The following PRKAB1 variants were observed in gnomAD, a reference collection of about 807,000 sequenced individuals.
The protein encoded by PRKAB1 is protein kinase AMP-activated non-catalytic subunit beta 1.
A neutral mutation model predicts 32.0 loss-of-function variants in PRKAB1; 18 were observed. The observed-to-expected ratio is 0.56, with a 90% CI of 0.39 to 0.83. PRKAB1 has a LOEUF of 0.83. Ranked by LOEUF, PRKAB1 falls within the 40% of genes least tolerant of loss-of-function variation. The pLI, the probability that PRKAB1 is intolerant of heterozygous loss-of-function variation, is 0.00. For missense variants in PRKAB1, 263 were observed against 352.6 expected (o/e 0.75, Z 2.03); for synonymous variants, 141 against 141.4 (o/e 1.00, Z 0.02).
At chr12:119,672,196 C>A in intron 1 of PRKAB1, 105 bp from the exon 2 acceptor site, 1 of 1,226,450 alleles carries the variant, frequency 8.2e-7, no homozygotes, top group Non-Finnish European at 1.1e-6. Context: ...CCGATCCTAA[C>A]CATGAACCAA....
At chr12:119,670,743 C>A (rs899629795) in intron 1 of PRKAB1, among the ~76,000 whole-genome samples, 2 of 152,180 alleles carry the variant, frequency 1.3e-5, no homozygotes, top group Non-Finnish European at 2.9e-5. Flanking sequence ...TCCCCAGATA[C>A]CAAAAAAGTC....
intron 1 of PRKAB1, 31 bp from the exon 2 acceptor site, chr12:119,672,270 T>C (rs773214588): frequency 2.6e-6 from 4 of 1,565,296 alleles, no homozygotes; most frequent in South Asian, 1.2e-5. Flanking sequence ...AGCTCGCTTA[T>C]GGCTTTCTGA....
In PRKAB1 at chr12:119,679,295, CAAT is replaced by C. The variant is rs1955447930; in HGVS notation, c.667-637_667-635del. The C allele has an allele frequency of 6.6e-6, 1 of 152,576 alleles. No individual in the cohort carries two copies. The highest frequency in any genetic ancestry group is 1.5e-5 in the Non-Finnish European group (1 of 68,334). The allele number at this position is 152,576 out of a possible 1,614,324, so 9.5% of individuals were successfully genotyped here. A position where few individuals can be genotyped will look rare whatever the true frequency, so the allele number is the denominator to read the frequency against. The stretch of plus-strand genomic sequence containing the variant: ...GGAGCTTGCTGAGTATTTGTTGACA[CAAT>C]GATTGGCCCAGCCTCTGGGATCCTA... On this transcript the variant is annotated intron_variant, in intron 5 of 6. Coordinates refer to ENST00000229328, the MANE Select transcript of PRKAB1 (RefSeq NM_006253.5). This position sits in a 1 kb window ranked among gnomAD's most constrained non-coding sequence, Gnocchi z 4.1.
chr12:119,680,110 T>C (rs1955453161), intron 6 of PRKAB1, 109 bp downstream of exon 6: 2 of 1,495,396 alleles, frequency 1.3e-6, no homozygotes, highest in African/African-American at 2.8e-5. Flanking sequence ...GCTTCCAGGG[T>C]CTGGCACAGG....
At chr12:119,672,164 C>A in intron 1 of PRKAB1, 137 bp from the exon 2 acceptor site, 1 of 844,592 alleles carries the variant, frequency 1.2e-6, no homozygotes, top group Non-Finnish European at 1.8e-6. Context: ...GGCAAGGAAA[C>A]TGAGGCACCA....
At position 119,674,662 on chromosome 12, in the gene PRKAB1, C is replaced by G. The variant is rs1286313024; in HGVS notation, c.532+208C>G. 2.6e-5 allele frequency among the ~76,000 whole-genome samples: 4 copies of G among 152,180 alleles called. No homozygotes were observed. The highest frequency in any genetic ancestry group is 4.4e-5 in the Non-Finnish European group (3 of 68,030). On this transcript the variant is annotated intron_variant, in intron 4 of 6. Coordinates refer to ENST00000229328, the MANE Select transcript of PRKAB1 (RefSeq NM_006253.5). This position sits in a 1 kb window ranked among gnomAD's most constrained non-coding sequence, Gnocchi z 4.3. ...CTACAAGTCATTTCCCTGGTCATCT[C>G]AGGTATTCAGTAGGTCTGCTTGGCC...
intron 1 of PRKAB1, among the ~76,000 whole-genome samples, chr12:119,670,990 C>T (rs1955384075): frequency 6.6e-6 from 1 of 152,182 alleles, no homozygotes. Context: ...TGGCTTCTGA[C>T]TGGGAAAAAA....
intron 1 of PRKAB1, chr12:119,671,389 C>T (rs1223159300): frequency 4.7e-5 from 14 of 297,750 alleles, no homozygotes; most frequent in Non-Finnish European, 6.9e-5. Flanking sequence ...TAGAAATACC[C>T]GAGACTGGGT....
At chr12:119,673,483 A>C (rs1427764971) in intron 2 of PRKAB1, among the ~76,000 whole-genome samples, 2 of 152,228 alleles carry the variant, frequency 1.3e-5, no homozygotes, top group African/African-American at 4.8e-5. Context: ...GCCAGGGGAC[A>C]AAACAACCCA....
chr12:119,672,468 A>C lies in PRKAB1; in HGVS notation c.323+4A>C. ...GTAAACTTCCCCTCACCAGAAGGTA[A>C]TTGCCTGGGGAGTGTTCACATATTT... is the stretch of plus-strand genomic sequence containing the variant. On this transcript the variant is annotated splice_donor_region_variant and intron_variant, in intron 2 of 6. Coordinates refer to ENST00000229328, the MANE Select transcript of PRKAB1 (RefSeq NM_006253.5). 1 of 1,578,240 alleles carries C rather than the reference A, an allele frequency of 6.3e-7. No homozygotes were observed. Among genetic ancestry groups the C allele is most frequent in the Non-Finnish European group, 8.6e-7 (1 of 1,160,074 alleles).
Position 119,679,144 on chromosome 12 carries a change from A to AT in PRKAB1, c.667-783dup, listed in dbSNP as rs1955447129. 6.6e-6 allele frequency: 1 copy of AT among 152,162 alleles called. No homozygotes were observed. The highest frequency in any genetic ancestry group is 2.1e-4 in the South Asian group (1 of 4,832). The allele number at this position is 152,162 out of a possible 1,614,324, so 9.4% of individuals were successfully genotyped here. A position where few individuals can be genotyped will look rare whatever the true frequency, so the allele number is the denominator to read the frequency against. On this transcript the variant is annotated intron_variant, in intron 5 of 6. Transcript: ENST00000229328. This position sits in a 1 kb window ranked among gnomAD's most constrained non-coding sequence, Gnocchi z 4.1. ...ATCTGTCAATCTTTGAAATTGATTA[A>AT]TTTTTTAAAAACCCCTCTTAGGCTC...
chr12:119,672,633 C>G (rs1955396607), intron 2 of PRKAB1, among the ~76,000 whole-genome samples, 169 bp downstream of exon 2: 1 of 150,208 alleles, frequency 6.7e-6, no homozygotes, highest in East Asian at 1.9e-4. Context: ...TTGGTGGTCT[C>G]TAGGTTTAGA....
At chr12:119,672,265 G>A (rs573684034) in intron 1 of PRKAB1, 36 bp from the exon 2 acceptor site, 4 of 1,556,418 alleles carry the variant, frequency 2.6e-6, no homozygotes, top group East Asian at 2.4e-5. Flanking sequence ...TAGGGAGCTC[G>A]CTTATGGCTT....
chr12:119,668,639 T>G (rs1207741439), intron 1 of PRKAB1, among the ~76,000 whole-genome samples: 1 of 152,248 alleles, frequency 6.6e-6, no homozygotes, highest in Non-Finnish European at 1.5e-5. Context: ...TCACTTGGTT[T>G]AACATCATTA....
At position 119,676,622 on chromosome 12, in the gene PRKAB1, C is replaced by G; in HGVS notation, c.618C>G (p.Leu206=). The change falls in exon 5 of 7, where the codon CTC becomes CTG. Residue 206 remains leucine, a synonymous_variant. Transcript: ENST00000229328. ...AGCGCTTTCGGGCACCCCCTATTCT[C>G]CCCCCACATCTCCTCCAGGTCATCC... ...PEERFRAPPI[L]PPHLLQVILN... 1 of 1,613,862 alleles carries G rather than the reference C, an allele frequency of 6.2e-7. No individual in the cohort carries two copies. Among genetic ancestry groups the G allele is most frequent in the Non-Finnish European group, 8.5e-7 (1 of 1,179,842 alleles).
At chr12:119,670,334 T>C (rs771452576) in intron 1 of PRKAB1, among the ~76,000 whole-genome samples, 13 of 152,250 alleles carry the variant, frequency 8.5e-5, no homozygotes, top group Non-Finnish European at 1.5e-4. Context: ...GCTCATTCCA[T>C]CTGTGTTTGT....
chr12:119,672,307 GAGA>G lies in PRKAB1; in HGVS notation c.169_171del (p.Lys57del). The G allele has an allele frequency of 6.2e-7, 1 of 1,606,562 alleles. No individual in the cohort carries two copies. The highest frequency in any genetic ancestry group is 8.5e-7 in the Non-Finnish European group (1 of 1,176,596). On this transcript the variant is annotated inframe_deletion, in exon 2 of 7. Coordinates refer to ENST00000229328, the MANE Select transcript of PRKAB1 (RefSeq NM_006253.5). ...TAAACTGCTCTGCTTCTAGGCACCA[GAGA>G]AGGAGGAATTCCTGGCCTGGCAGCA...
At chr12:119,670,528 T>C (rs553738167) in intron 1 of PRKAB1, among the ~76,000 whole-genome samples, 4 of 152,342 alleles carry the variant, frequency 2.6e-5, no homozygotes, top group South Asian at 4.1e-4. Flanking sequence ...CTCTAATGAC[T>C]TGACGTCCTT....
chr12:119,676,762 A>G (rs1183804466), intron 5 of PRKAB1, 92 bp downstream of exon 5: 1 of 1,475,152 alleles, frequency 6.8e-7, no homozygotes, highest in African/African-American at 1.4e-5. Context: ...GCAGCTGGTG[A>G]GCAAGCTCAG....
Sources: allele counts gnomAD v4.1 joint callset (sites outside exome capture counted in the v4.1 genomes callset), GRCh38; gene constraint gnomAD v4.1.1; non-coding constraint Gnocchi (gnomAD v3.1); transcripts MANE v1.5; gene names NCBI Gene and HGNC (gene_info 2026-07-23, HGNC 2026-07-21).